Variants in DLGAP2 observed in about 807,000 individuals in gnomAD.
DLGAP2 encodes the protein disks large-associated protein 2.
In DLGAP2, 26 loss-of-function variants were observed where a neutral mutation model predicts 100.3. The ratio of observed to expected loss-of-function variants is 0.26; its 90% CI spans 0.19 to 0.36. DLGAP2 has a LOEUF of 0.36. Among genes scored for constraint, DLGAP2 ranks in the 10% least tolerant of loss-of-function variants. DLGAP2 has a pLI of 1.00. For missense variants in DLGAP2, 1,858 were observed against 1,453.2 expected, an observed-to-expected ratio of 1.28 and a Z score of -4.53; for synonymous variants, 886 against 630.1, an observed-to-expected ratio of 1.41 and a Z score of -6.08.
intron 3 of DLGAP2, among the ~76,000 whole-genome samples, chr8:1,261,205 T>C (rs1483298990): frequency 1.3e-5 from 2 of 151,632 alleles, no homozygotes; most frequent in African/African-American, 4.9e-5. Flanking sequence ...CTTCCAGATC[T>C]TTAAAACGAG....
At chr8:808,907 T>TTC (rs1456266687) in intron 1 of DLGAP2, among the ~76,000 whole-genome samples, 1 of 78,014 alleles carries the variant, frequency 1.3e-5, no homozygotes, top group Non-Finnish European at 2.8e-5. Context: ...GTTGCTGCCT[T>TTC]TTTTTTTTTT....
chr8:1,468,072 G>C (rs1355914822), intron 3 of DLGAP2, among the ~76,000 whole-genome samples: 2 of 152,236 alleles, frequency 1.3e-5, no homozygotes, highest in Non-Finnish European at 2.9e-5. Flanking sequence ...CCTGTACAGA[G>C]ACACTTTCAG....
At chr8:1,625,827 G>A (rs1797476451) in intron 6 of DLGAP2, among the ~76,000 whole-genome samples, 2 of 152,200 alleles carry the variant, frequency 1.3e-5, no homozygotes, top group African/African-American at 2.4e-5. Context: ...TATTACTTTT[G>A]ATGAAATTCA....
chr8:1,675,833 T>C (rs886568713), intron 10 of DLGAP2, among the ~76,000 whole-genome samples: 3 of 152,124 alleles, frequency 2.0e-5, no homozygotes, highest in African/African-American at 7.2e-5. Flanking sequence ...GTTTTGTTTT[T>C]TTTTTTTTAG....
At chr8:1,511,276 C>G (rs111878764) in intron 4 of DLGAP2, among the ~76,000 whole-genome samples, 2 of 149,802 alleles carry the variant, frequency 1.3e-5, no homozygotes, top group Non-Finnish European at 3.0e-5. Context: ...GTAGGACAAT[C>G]AGTAGATGAC....
chr8:1,199,825 GA>G (rs75310152), intron 2 of DLGAP2, among the ~76,000 whole-genome samples: 18,851 of 151,796 alleles, frequency 0.12, 1,327 homozygotes, highest in East Asian at 0.17. Context: ...AGTGAAGAGG[GA>G]AAAAAAATAA....
intron 2 of DLGAP2, among the ~76,000 whole-genome samples, chr8:972,534 T>A (rs1182116093): frequency 5.3e-5 from 8 of 152,168 alleles, no homozygotes; most frequent in Non-Finnish European, 1.0e-4. Context: ...AGACTGGGCA[T>A]AGGCCAGGTA....
intron 2 of DLGAP2, among the ~76,000 whole-genome samples, chr8:1,235,283 G>GTGTCTAGTTCTCTCTCACATGGCGTCA (rs1798625411): frequency 6.7e-6 from 1 of 149,370 alleles, no homozygotes; most frequent in Non-Finnish European, 1.5e-5. Context: ...ACATGGCGTC[G>GTGTCTAGTTCTCTCTCACATGGCGTCA]TGTCTAGTTC....
chr8:900,526 A>C (rs1340224140), intron 1 of DLGAP2, among the ~76,000 whole-genome samples: 1 of 152,120 alleles, frequency 6.6e-6, no homozygotes, highest in East Asian at 1.9e-4. Flanking sequence ...CCTTGCAGCA[A>C]ATATGCAGTG....
intron 2 of DLGAP2, among the ~76,000 whole-genome samples, chr8:1,249,713 A>C (rs938344240): frequency 6.6e-6 from 1 of 152,158 alleles, no homozygotes; most frequent in Non-Finnish European, 1.5e-5. Context: ...ATTGAGTTTC[A>C]TAGATTAAAA....
chr8:1,667,183 G>A (rs1026050432), intron 8 of DLGAP2, among the ~76,000 whole-genome samples: 6 of 152,174 alleles, frequency 3.9e-5, no homozygotes, highest in Admixed American at 1.3e-4. Context: ...TGACTGTAAC[G>A]GACAACCAAT....
intron 3 of DLGAP2, among the ~76,000 whole-genome samples, chr8:1,496,464 T>C (rs1799549505): frequency 6.6e-6 from 1 of 152,202 alleles, no homozygotes; most frequent in African/African-American, 2.4e-5. Context: ...GGACCGGTTC[T>C]GGGAAGCATC....
At chr8:1,173,206 A>G (rs1240429196) in intron 2 of DLGAP2, among the ~76,000 whole-genome samples, 2 of 152,152 alleles carry the variant, frequency 1.3e-5, no homozygotes, top group Non-Finnish European at 2.9e-5. Flanking sequence ...GTTTTTCGTG[A>G]ACCGCGAATG....
At chr8:906,944 TAGA>T (rs1798393572) in intron 1 of DLGAP2, among the ~76,000 whole-genome samples, 1 of 152,208 alleles carries the variant, frequency 6.6e-6, no homozygotes, top group Non-Finnish European at 1.5e-5. Context: ...TTTTTCAATA[TAGA>T]AGAATTGGCG....
chr8:1,488,976 T>C (rs187358216), intron 3 of DLGAP2, among the ~76,000 whole-genome samples: 188 of 152,300 alleles, frequency 1.2e-3, no homozygotes, highest in African/African-American at 4.2e-3. Context: ...AGGAAGACAC[T>C]GGATAGAACC....
intron 3 of DLGAP2, among the ~76,000 whole-genome samples, chr8:1,499,128 C>G (rs73172574): frequency 6.6e-6 from 1 of 152,216 alleles, no homozygotes; most frequent in African/African-American, 2.4e-5. Flanking sequence ...TCTTGGAGTG[C>G]TGTTCTCAAG....
At chr8:877,359 T>C (rs1037825785) in intron 1 of DLGAP2, among the ~76,000 whole-genome samples, 7 of 152,198 alleles carry the variant, frequency 4.6e-5, no homozygotes, top group Non-Finnish European at 1.0e-4. Context: ...CTAGACTCTC[T>C]GCCCTGTCCC....
chr8:1,043,303 G>A (rs1314899424), intron 2 of DLGAP2, among the ~76,000 whole-genome samples: 1 of 140,134 alleles, frequency 7.1e-6, no homozygotes, highest in Non-Finnish European at 1.6e-5. Context: ...TGTGGGTGGT[G>A]GGTGTGGGTG....
At chr8:1,110,807 A>T (rs1012517874) in intron 2 of DLGAP2, among the ~76,000 whole-genome samples, 1 of 145,110 alleles carries the variant, frequency 6.9e-6, no homozygotes, top group Non-Finnish European at 1.5e-5. Flanking sequence ...ACAGCTTTCT[A>T]TATTCACCCT....
Sources: allele counts gnomAD v4.1 joint callset (sites outside exome capture counted in the v4.1 genomes callset), GRCh38; gene constraint gnomAD v4.1.1; transcripts MANE v1.5; gene names NCBI Gene and HGNC (gene_info 2026-07-23, HGNC 2026-07-21).